DPP6: variants seen among roughly 807,000 people sequenced by gnomAD.
The protein encoded by DPP6 is dipeptidyl peptidase like 6.
DPP6 carries 69 observed loss-of-function variants against 122.6 expected under a neutral mutation model. The ratio of observed to expected loss-of-function variants is 0.56; its 90% CI spans 0.46 to 0.69. DPP6 has a LOEUF of 0.69. Ranked by LOEUF, DPP6 falls within the 30% of genes least tolerant of loss-of-function variation. The pLI is 0.00. For synonymous variants in DPP6, 418 were observed against 433.1 expected (o/e 0.97, Z 0.43); for missense variants, 928 against 1,116.9 (o/e 0.83, Z 2.41).
intron 1 of DPP6, among the ~76,000 whole-genome samples, chr7:153,938,442 TAAAG>T (rs1801556139): frequency 6.6e-6 from 1 of 152,112 alleles, no homozygotes; most frequent in South Asian, 2.1e-4. Flanking sequence ...CTCTAAGTCT[TAAAG>T]AGAGCAAAGC....
the DPP6 span, among the ~76,000 whole-genome samples, chr7:153,858,912 G>A: frequency 4.7e-3 from 714 of 152,220 alleles, 6 homozygotes; most frequent in Middle Eastern, 0.01. Flanking sequence ...TGGTGTGTGG[G>A]GATGCAGTAA....
the DPP6 span, among the ~76,000 whole-genome samples, chr7:153,873,823 G>C: frequency 5.9e-5 from 9 of 152,314 alleles, no homozygotes; most frequent in South Asian, 2.1e-4. Flanking sequence ...TCCAAAAGAT[G>C]GAAGAACAGA....
At chr7:154,684,605 C>T (rs1036810467) in intron 7 of DPP6, among the ~76,000 whole-genome samples, 6 of 152,200 alleles carry the variant, frequency 3.9e-5, no homozygotes, top group Admixed American at 2.6e-4. Context: ...CCTGTGGCAT[C>T]CTCCTTTAAA....
At position 154,448,169 on chromosome 7, in the gene DPP6, A is replaced by G. The variant is rs745689395; in HGVS notation, c.358+1841A>G. Among the ~76,000 whole-genome samples the G allele has an allele frequency of 8.7e-4, 132 of 152,338 alleles. No homozygotes were observed. The Middle Eastern group carries it at 0.014, about 16-fold the overall frequency. On this transcript the variant is annotated intron_variant, in intron 2 of 25. Coordinates refer to ENST00000377770, the MANE Select transcript of DPP6 (RefSeq NM_130797.4). The stretch of plus-strand genomic sequence containing the variant: ...CTATTCATAGAAGACATAATGTTGT[A>G]TATAGAAAATCTTAAGGAATCCACA...
chr7:154,202,351 C>T (rs1799218078), intron 1 of DPP6, among the ~76,000 whole-genome samples: 1 of 152,178 alleles, frequency 6.6e-6, no homozygotes, highest in Non-Finnish European at 1.5e-5. Flanking sequence ...GAGAAGAAAA[C>T]AGACAACCAT....
At chr7:154,646,005 G>A (rs1586801079) in intron 6 of DPP6, among the ~76,000 whole-genome samples, 1 of 117,942 alleles carries the variant, frequency 8.5e-6, no homozygotes, top group East Asian at 3.0e-4. Flanking sequence ...TCCAGCTCGG[G>A]CGGCAGAGTG....
In DPP6 at chr7:154,483,670, G is replaced by T. The variant is rs1823526298; in HGVS notation, c.457+8633G>T. Among the ~76,000 whole-genome samples, 1 of 152,180 alleles carries T rather than the reference G, an allele frequency of 6.6e-6. No individual in the cohort carries two copies. Among genetic ancestry groups the T allele is most frequent in the Admixed American group, 6.5e-5 (1 of 15,280 alleles). On this transcript the variant is annotated intron_variant, in intron 3 of 25. Transcript: ENST00000377770. This position sits in a 1 kb window ranked among gnomAD's most constrained non-coding sequence, Gnocchi z 8.1. Reference sequence around the variant, plus strand: ...TTAATATAGGCATTTATGAGAAAAAGCCCAGGTGAAGTTTTTGTTTCGTTT... The same window carrying T: ...TTAATATAGGCATTTATGAGAAAAATCCCAGGTGAAGTTTTTGTTTCGTTT...
At chr7:153,762,110 TG>T in the DPP6 span, among the ~76,000 whole-genome samples, 1 of 152,224 alleles carries the variant, frequency 6.6e-6, no homozygotes, top group African/African-American at 2.4e-5. Context: ...ACATGATAAC[TG>T]TAATCCTTTG....
intron 1 of DPP6, among the ~76,000 whole-genome samples, chr7:154,260,792 CAT>C (rs143147740): frequency 0.013 from 1,899 of 149,556 alleles, 26 homozygotes; most frequent in Non-Finnish European, 0.016. Context: ...CTGCTATAAA[CAT>C]GTGTGTGCAG....
intron 1 of DPP6, among the ~76,000 whole-genome samples, chr7:154,081,306 A>G (rs933903275): frequency 1.2e-4 from 18 of 147,930 alleles, no homozygotes; most frequent in Non-Finnish European, 2.1e-4. Flanking sequence ...AGTGCACAGG[A>G]ATGTAGAAAG....
At chr7:154,317,858 A>C (rs1807568982) in intron 1 of DPP6, among the ~76,000 whole-genome samples, 1 of 152,270 alleles carries the variant, frequency 6.6e-6, no homozygotes, top group African/African-American at 2.4e-5. Context: ...CAGTAATTGA[A>C]TCCAATAAAA....
intron 1 of DPP6, among the ~76,000 whole-genome samples, chr7:154,327,375 C>T: frequency 6.6e-6 from 1 of 152,220 alleles, no homozygotes; most frequent in Non-Finnish European, 1.5e-5. Context: ...TTCTCAATAG[C>T]GTCCCAGTTT....
chr7:153,835,800 G>A, the DPP6 span, among the ~76,000 whole-genome samples: 2 of 152,160 alleles, frequency 1.3e-5, no homozygotes, highest in Non-Finnish European at 2.9e-5. Context: ...GGGGTGTTAC[G>A]GAGGCAGAAA....
chr7:154,015,701 C>A (rs563930399), intron 1 of DPP6, among the ~76,000 whole-genome samples: 33 of 152,222 alleles, frequency 2.2e-4, no homozygotes, highest in African/African-American at 7.9e-4. Context: ...CCAAAATATA[C>A]CCCTAATCCA....
At chr7:154,340,211 A>G (rs909750248) in intron 1 of DPP6, among the ~76,000 whole-genome samples, 2 of 152,266 alleles carry the variant, frequency 1.3e-5, no homozygotes, top group African/African-American at 2.4e-5. Context: ...ATAGATTTTA[A>G]CTAATCTCTT....
chr7:154,481,620 C>T lies in DPP6; in HGVS notation c.457+6583C>T, dbSNP rs559045637. Reference sequence around the variant, plus strand: ...CCAGTTTTCTCTTAAACTTTGCCTACGTGAACTTCTTTGGATTGCTTCAGA... The same window carrying T: ...CCAGTTTTCTCTTAAACTTTGCCTATGTGAACTTCTTTGGATTGCTTCAGA... On this transcript the variant is annotated intron_variant, in intron 3 of 25. Transcript: ENST00000377770. This position sits in a 1 kb window ranked among gnomAD's most constrained non-coding sequence, Gnocchi z 4.2. 7.2e-5 allele frequency among the ~76,000 whole-genome samples: 11 copies of T among 152,176 alleles called. No individual in the cohort carries two copies. The highest frequency in any genetic ancestry group is 1.3e-4 in the Non-Finnish European group (9 of 68,006).
intron 1 of DPP6, among the ~76,000 whole-genome samples, chr7:154,332,270 C>T (rs954594294): frequency 4.6e-5 from 7 of 152,150 alleles, no homozygotes; most frequent in Non-Finnish European, 1.0e-4. Context: ...CAGGGTTTCA[C>T]CATGTTGGCC....
At chr7:153,799,769 T>G in the DPP6 span, among the ~76,000 whole-genome samples, 1 of 152,270 alleles carries the variant, frequency 6.6e-6, no homozygotes, top group Non-Finnish European at 1.5e-5. Context: ...ATTAACTGTC[T>G]CATTCTATTA....
chr7:154,557,104 G>T (rs1170485439), intron 4 of DPP6, among the ~76,000 whole-genome samples: 1 of 152,172 alleles, frequency 6.6e-6, no homozygotes, highest in African/African-American at 2.4e-5. Context: ...ACCAAGACGG[G>T]AAGTTTGTTG....
Sources: gnomAD v4.1 joint callset for allele counts (sites outside exome capture counted in the v4.1 genomes callset) on GRCh38, gnomAD v4.1.1 for gene constraint, Gnocchi (gnomAD v3.1) non-coding constraint, MANE v1.5 for transcripts, NCBI Gene and HGNC (gene_info 2026-07-23, HGNC 2026-07-21) for gene names.